Variants in CADPS2 observed in about 807,000 individuals in gnomAD.
CADPS2 encodes the protein calcium dependent secretion activator 2, also known as calcium-dependent secretion activator 2.
Under a neutral mutation model 172.5 loss-of-function variants are expected in CADPS2, and 93 were observed. That is an observed-to-expected ratio of 0.54 (90% CI 0.46 to 0.64). CADPS2 has a LOEUF of 0.64. Ranked by LOEUF, CADPS2 falls within the 30% of genes least tolerant of loss-of-function variation. CADPS2 has a pLI of 0.00. For missense variants in CADPS2, 1,420 were observed against 1,565.9 expected (o/e 0.91, Z 1.57); for synonymous variants, 546 against 555.2 (o/e 0.98, Z 0.23).
intron 1 of CADPS2, among the ~76,000 whole-genome samples, chr7:122,852,752 A>G (rs1174144315): frequency 6.6e-6 from 1 of 152,174 alleles, no homozygotes; most frequent in Non-Finnish European, 1.5e-5. Flanking sequence ...GTGTGCCACT[A>G]TAAACACTTA....
intron 2 of CADPS2, among the ~76,000 whole-genome samples, chr7:122,730,916 A>C (rs1004220063): frequency 6.6e-6 from 1 of 151,748 alleles, no homozygotes; most frequent in Middle Eastern, 3.4e-3. Flanking sequence ...TTTTGCAAAA[A>C]AAGGCCAGAA....
At chr7:122,746,248 C>T (rs2092713671) in intron 1 of CADPS2, among the ~76,000 whole-genome samples, 1 of 152,148 alleles carries the variant, frequency 6.6e-6, no homozygotes, top group African/African-American at 2.4e-5. Flanking sequence ...CACAGTTGTG[C>T]TGTCCAACAC....
intron 2 of CADPS2, among the ~76,000 whole-genome samples, chr7:122,691,783 A>G (rs2084404420): frequency 6.6e-6 from 1 of 152,174 alleles, no homozygotes; most frequent in Admixed American, 6.5e-5. Context: ...GCAGTCCAGC[A>G]AGTCCGTGAC....
chr7:122,483,041 T>C (rs1162724931), intron 11 of CADPS2, among the ~76,000 whole-genome samples: 2 of 152,208 alleles, frequency 1.3e-5, no homozygotes, highest in African/African-American at 2.4e-5. Context: ...TTAAGAAAGA[T>C]GTTGGTCCAG....
At chr7:122,326,321 A>G (rs901184607) in intron 28 of CADPS2, among the ~76,000 whole-genome samples, 7 of 152,004 alleles carry the variant, frequency 4.6e-5, no homozygotes, top group African/African-American at 1.7e-4. Context: ...GTTTATTACA[A>G]CTCTCTTAAG....
At chr7:122,347,305 A>G (rs1585161721) in intron 27 of CADPS2, among the ~76,000 whole-genome samples, 1 of 152,168 alleles carries the variant, frequency 6.6e-6, no homozygotes, top group Non-Finnish European at 1.5e-5. Context: ...TGGAGGGGGC[A>G]TATTTTATAT....
chr7:122,355,999 C>G (rs1037779581), intron 27 of CADPS2, among the ~76,000 whole-genome samples: 1 of 152,128 alleles, frequency 6.6e-6, no homozygotes, highest in African/African-American at 2.4e-5. Context: ...ATAACCCACA[C>G]CCAATTTCCC....
At chr7:122,740,530 G>C (rs919378414) in intron 1 of CADPS2, among the ~76,000 whole-genome samples, 1 of 152,076 alleles carries the variant, frequency 6.6e-6, no homozygotes, top group Non-Finnish European at 1.5e-5. Context: ...AAGATCAGCT[G>C]TTGATAACAG....
chr7:122,660,000 T>A (rs1477380104), intron 3 of CADPS2, among the ~76,000 whole-genome samples: 2 of 152,170 alleles, frequency 1.3e-5, no homozygotes, highest in Non-Finnish European at 2.9e-5. Context: ...CAAGACATGA[T>A]AAAAGTTCTT....
chr7:122,756,853 T>C (rs1285924464), intron 1 of CADPS2, among the ~76,000 whole-genome samples: 1 of 151,742 alleles, frequency 6.6e-6, no homozygotes, highest in African/African-American at 2.4e-5. Flanking sequence ...TGAGCCAAGA[T>C]TGCGCCACTG....
At chr7:122,803,647 T>A (rs983965499) in intron 1 of CADPS2, among the ~76,000 whole-genome samples, 1 of 152,172 alleles carries the variant, frequency 6.6e-6, no homozygotes, top group Non-Finnish European at 1.5e-5. Context: ...AAATCAGATA[T>A]CCATTTGATT....
chr7:122,520,436 C>T (rs2060696867), intron 8 of CADPS2, among the ~76,000 whole-genome samples: 1 of 151,436 alleles, frequency 6.6e-6, no homozygotes, highest in East Asian at 1.9e-4. Context: ...AAGCCATTTT[C>T]CTTTAAATAC....
At chr7:122,388,472 A>T in intron 23 of CADPS2, 111 bp downstream of exon 23, 1 of 1,052,590 alleles carries the variant, frequency 9.5e-7, no homozygotes, top group Non-Finnish European at 1.3e-6. Context: ...ATGTTGGAAT[A>T]GTGGTGCATA....
At chr7:122,720,433 CAT>C (rs139008096) in intron 2 of CADPS2, among the ~76,000 whole-genome samples, 10,882 of 149,892 alleles carry the variant, frequency 0.073, 436 homozygotes, top group South Asian at 0.17. Flanking sequence ...TATATATATA[CAT>C]ATATATGTAT....
In CADPS2 at chr7:122,421,814, G is replaced by C. The variant is rs556864024; in HGVS notation, c.2477-5650C>G. Among the ~76,000 whole-genome samples, 3 of 152,302 alleles carry C rather than the reference G, an allele frequency of 2.0e-5. No individual in the cohort carries two copies. In the South Asian group the frequency reaches 6.2e-4, roughly 32 times the overall value. On this transcript the variant is annotated intron_variant, in intron 17 of 29. Transcript: ENST00000449022. ...TTAGCTTGCAAGAAATAGGATCAAA[G>C]ATGCATCAATAAGAAGGCTTTAAAT...
chr7:122,830,213 C>T (rs1806130729), intron 1 of CADPS2, among the ~76,000 whole-genome samples: 1 of 152,054 alleles, frequency 6.6e-6, no homozygotes, highest in African/African-American at 2.4e-5. Context: ...GAGACTTCAG[C>T]CCTAGGAAAT....
At chr7:122,401,112 T>C (rs1308581380) in intron 20 of CADPS2, among the ~76,000 whole-genome samples, 3 of 152,212 alleles carry the variant, frequency 2.0e-5, no homozygotes, top group Admixed American at 1.3e-4. Flanking sequence ...CTTTTTATCC[T>C]CATGAGACCA....
Position 122,507,405 on chromosome 7 carries a change from CCA to C in CADPS2, c.1542+5842_1542+5843del, listed in dbSNP as rs1181480025. Reference sequence around the variant, plus strand: ...ACAACAATCACATTTAAAAATAACCCCAGTTTATATATTTATTTGAGGTGCCT... The same window carrying C: ...ACAACAATCACATTTAAAAATAACCCGTTTATATATTTATTTGAGGTGCCT... On this transcript the variant is annotated intron_variant, in intron 9 of 29. Coordinates refer to ENST00000449022, the MANE Select transcript of CADPS2 (RefSeq NM_017954.11). 2.0e-5 allele frequency among the ~76,000 whole-genome samples: 3 copies of C among 152,084 alleles called. No homozygotes were observed. The East Asian group carries it at 5.8e-4, about 29-fold the overall frequency.
intron 2 of CADPS2, among the ~76,000 whole-genome samples, chr7:122,664,339 T>G (rs1205141530): frequency 6.6e-6 from 1 of 152,134 alleles, no homozygotes; most frequent in African/African-American, 2.4e-5. Flanking sequence ...TCTCACACAC[T>G]TATCATAACT....
Sources: gnomAD v4.1 joint callset for allele counts (sites outside exome capture counted in the v4.1 genomes callset) on GRCh38, gnomAD v4.1.1 for gene constraint, MANE v1.5 for transcripts, NCBI Gene and HGNC (gene_info 2026-07-23, HGNC 2026-07-21) for gene names.